Variants in CPNE4 observed in about 807,000 individuals in gnomAD.
The protein encoded by CPNE4 is copine-4.
CPNE4 carries 25 observed loss-of-function variants against 67.9 expected under a neutral mutation model. The observed-to-expected ratio is 0.37, with a 90% confidence interval of 0.27 to 0.51. CPNE4 has a LOEUF of 0.51. Among genes scored for constraint, CPNE4 ranks in the 20% least tolerant of loss-of-function variants. The pLI, the probability that CPNE4 is intolerant of heterozygous loss-of-function variation, is 0.93. For missense variants in CPNE4, 464 were observed against 690.8 expected (o/e 0.67, Z 3.68); for synonymous variants, 242 against 244.9 (o/e 0.99, Z 0.11).
chr3:131,726,972 C>A (rs2082015475), intron 2 of CPNE4, among the ~76,000 whole-genome samples: 1 of 152,208 alleles, frequency 6.6e-6, no homozygotes, highest in African/African-American at 2.4e-5. Context: ...TGCTTATCTT[C>A]TCTCTTCCCT....
Position 131,807,074 on chromosome 3 carries a change from T to C in CPNE4, c.181-83449A>G, listed in dbSNP as rs148563480. Reference sequence around the variant, plus strand: ...GTTAAGGCCATAAATTATTAGGAAATTCAGAGTTTAGAGATCAGGAACCAG... The same window carrying C: ...GTTAAGGCCATAAATTATTAGGAAACTCAGAGTTTAGAGATCAGGAACCAG... On this transcript the variant is annotated intron_variant, in intron 2 of 15. Transcript: ENST00000429747. Among the ~76,000 whole-genome samples, 367 of 152,178 alleles carry C rather than the reference T, an allele frequency of 2.4e-3. 4 individuals are homozygous for C. The highest frequency in any genetic ancestry group is 6.8e-3 in the Middle Eastern group (2 of 294).
chr3:131,620,538 C>G (rs1475213920), intron 7 of CPNE4: 5 of 821,756 alleles, frequency 6.1e-6, no homozygotes, highest in Non-Finnish European at 7.3e-6. Context: ...TGTCCATACC[C>G]TTATCCCTGG....
chr3:131,956,690 G>A (rs887235891), intron 1 of CPNE4, among the ~76,000 whole-genome samples: 1 of 152,150 alleles, frequency 6.6e-6, no homozygotes, highest in African/African-American at 2.4e-5. Flanking sequence ...TATATAAAGT[G>A]TGTCCTATCC....
intron 7 of CPNE4, among the ~76,000 whole-genome samples, chr3:131,636,307 G>A (rs1231749112): frequency 1.3e-5 from 2 of 152,188 alleles, no homozygotes; most frequent in Admixed American, 6.5e-5. Flanking sequence ...TGCTTGGTAA[G>A]TGTGAGACCG....
In CPNE4 at chr3:131,564,320, C is replaced by T. The variant is rs1369767834; in HGVS notation, c.957G>A (p.Gly319=). The change falls in exon 11 of 16, where the codon GGG becomes GGA. Residue 319 remains glycine, a synonymous_variant. Coordinates refer to ENST00000429747, the MANE Select transcript of CPNE4 (RefSeq NM_130808.3). ...GCAAGGAACAGCTGTTCCTGGGGTC[C>T]CCGTTTGAGGCAGTGAAATCTATAG... The part of the protein sequence containing the change: ...TVAIDFTASN[G]DPRNSCSLHY... 1 of 1,612,140 alleles carries T rather than the reference C, an allele frequency of 6.2e-7. No homozygotes were observed. The highest frequency in any genetic ancestry group is 2.2e-5 in the East Asian group (1 of 44,794).
intron 7 of CPNE4, among the ~76,000 whole-genome samples, chr3:131,662,643 C>T (rs1459375644): frequency 6.6e-6 from 1 of 152,030 alleles, no homozygotes. Context: ...CCCATCAAAA[C>T]TGGGTGAAGG....
intron 1 of CPNE4, among the ~76,000 whole-genome samples, chr3:131,955,534 A>G (rs2071938565): frequency 6.7e-6 from 1 of 149,794 alleles, no homozygotes; most frequent in African/African-American, 2.5e-5. Flanking sequence ...GAAATGCCAC[A>G]AAACAGGGCT....
At chr3:131,880,920 A>G (rs1336797903) in intron 2 of CPNE4, among the ~76,000 whole-genome samples, 1 of 152,220 alleles carries the variant, frequency 6.6e-6, no homozygotes, top group Admixed American at 6.5e-5. Flanking sequence ...TTGAAGTATA[A>G]CAGCTTAATT....
intron 7 of CPNE4, among the ~76,000 whole-genome samples, chr3:131,603,154 T>C (rs918992145): frequency 1.2e-4 from 18 of 152,302 alleles, no homozygotes; most frequent in Admixed American, 2.6e-4. Flanking sequence ...TCTTATTTGA[T>C]GGTTTATTTT....
chr3:131,619,328 G>T (rs1197873027), intron 7 of CPNE4, among the ~76,000 whole-genome samples: 1 of 152,174 alleles, frequency 6.6e-6, no homozygotes, highest in Non-Finnish European at 1.5e-5. Context: ...AAATAGGGAA[G>T]GTCCTGGCAC....
chr3:131,901,404 A>G (rs868559561), intron 2 of CPNE4, among the ~76,000 whole-genome samples: 1 of 152,130 alleles, frequency 6.6e-6, no homozygotes, highest in Admixed American at 6.6e-5. Flanking sequence ...TTTAAAGGAT[A>G]TGATCCTAAA....
intron 2 of CPNE4, among the ~76,000 whole-genome samples, chr3:131,733,100 C>G (rs947200791): frequency 1.3e-5 from 2 of 152,116 alleles, no homozygotes; most frequent in African/African-American, 4.8e-5. Flanking sequence ...AACTTAGAAC[C>G]AAAAAGGTTA....
chr3:131,817,749 CTGATG>C (rs2084800879), intron 2 of CPNE4, among the ~76,000 whole-genome samples: 1 of 152,148 alleles, frequency 6.6e-6, no homozygotes, highest in Non-Finnish European at 1.5e-5. Context: ...AATGATGTTA[CTGATG>C]TTCATGGCAG....
intron 2 of CPNE4, among the ~76,000 whole-genome samples, chr3:131,840,072 G>C (rs2085713785): frequency 1.3e-5 from 2 of 152,140 alleles, no homozygotes; most frequent in Non-Finnish European, 2.9e-5. Flanking sequence ...AACTTGGTGA[G>C]TGCCATGAGG....
rs2084520854 is a variant in CPNE4, at chr3:131,811,383, A to AT, written c.181-87759_181-87758insA. Among the ~76,000 whole-genome samples the AT allele has an allele frequency of 3.9e-5, 6 of 151,934 alleles. No individual in the cohort carries two copies. The South Asian group carries it at 1.0e-3, about 26-fold the overall frequency. On this transcript the variant is annotated intron_variant, in intron 2 of 15. Coordinates refer to ENST00000429747, the MANE Select transcript of CPNE4 (RefSeq NM_130808.3). The stretch of plus-strand genomic sequence containing the variant: ...TGTATCTCAGTAGAGTGGTTTAAAA[A>AT]ATATATATATATAAAGATGTTTTCC...
At chr3:131,666,920 T>C (rs1195302727) in intron 7 of CPNE4, among the ~76,000 whole-genome samples, 1 of 152,240 alleles carries the variant, frequency 6.6e-6, no homozygotes, top group African/African-American at 2.4e-5. Flanking sequence ...AATTGTTTAA[T>C]AAATGAGAGA....
chr3:131,656,550 T>G (rs997185314), intron 7 of CPNE4, among the ~76,000 whole-genome samples: 3 of 152,194 alleles, frequency 2.0e-5, no homozygotes, highest in African/African-American at 7.2e-5. Flanking sequence ...CATCTATCTA[T>G]CAATCCATCT....
intron 7 of CPNE4, among the ~76,000 whole-genome samples, chr3:131,649,337 G>A (rs2079748495): frequency 6.6e-6 from 1 of 152,192 alleles, no homozygotes; most frequent in Non-Finnish European, 1.5e-5. Context: ...AAGAGCTACA[G>A]GTCCTACAAT....
At chr3:131,930,716 A>C (rs1165800296) in intron 1 of CPNE4, among the ~76,000 whole-genome samples, 1 of 152,148 alleles carries the variant, frequency 6.6e-6, no homozygotes, top group Non-Finnish European at 1.5e-5. Context: ...TCAGTTGAAA[A>C]GTTCCCAATT....
Sources: allele counts gnomAD v4.1 joint callset (sites outside exome capture counted in the v4.1 genomes callset), GRCh38; gene constraint gnomAD v4.1.1; transcripts MANE v1.5; gene names NCBI Gene and HGNC (gene_info 2026-07-23, HGNC 2026-07-21).